The following MGAM2 variants were observed in gnomAD, a reference collection of about 807,000 sequenced individuals.
MGAM2 encodes maltase-glucoamylase 2 (putative).
In MGAM2, 98 loss-of-function variants were observed where a neutral mutation model predicts 96.1. The observed-to-expected ratio is 1.02, with a 90% CI of 0.87 to 1.21. MGAM2 has a LOEUF of 1.21. MGAM2 is among the 50% of genes most tolerant of loss of function. The pLI is 0.00. For synonymous variants in MGAM2, 749 were observed against 414.8 expected (o/e 1.81, Z -9.79); for missense variants, 2,055 against 1,182.4 (o/e 1.74, Z -10.82).
intron 32 of MGAM2, among the ~76,000 whole-genome samples, chr7:142,178,356 A>G (rs1281521740): frequency 1.3e-5 from 2 of 152,086 alleles, no homozygotes; most frequent in Non-Finnish European, 2.9e-5. Context: ...GAAGCTGTTT[A>G]TTTTAATTGG....
intron 23 of MGAM2, among the ~76,000 whole-genome samples, chr7:142,162,284 CT>C (rs1457556724): frequency 6.6e-6 from 1 of 151,890 alleles, no homozygotes; most frequent in Non-Finnish European, 1.5e-5. Flanking sequence ...CAAGATGTGC[CT>C]TTTTTGAGGT....
At position 142,221,612 on chromosome 7, in the gene MGAM2, C is replaced by T. The variant is rs542130354; in HGVS notation, c.7101C>T (p.Thr2367=). The T allele has an allele frequency of 4.1e-6, 2 of 489,610 alleles. No individual in the cohort carries two copies. The highest frequency in any genetic ancestry group is 3.0e-5 in the East Asian group (1 of 33,048). The allele number at this position is 489,610 out of a possible 1,614,324, so 30.3% of individuals were successfully genotyped here. The part of the protein sequence containing the change: ...TVTTTSTKDN[T]MSPDTTVTSI... ...CTACTACCAGCACCAAAGATAATAC[C>T]ATGAGTCCAGATACAACAGTTACTT... Residue 2367 remains threonine (T), a synonymous_variant, in exon 48 of 48, where the codon ACC becomes ACT. Transcript: ENST00000477922.
chr7:142,141,061 A>G lies in MGAM2; in HGVS notation c.1259A>G (p.Asn420Ser), dbSNP rs1041257430. 1.4e-6 allele frequency: 1 copy of G among 701,964 alleles called. No homozygotes were observed. Among genetic ancestry groups the G allele is most frequent in the East Asian group, 2.7e-5 (1 of 37,242 alleles). 43.5% of individuals were successfully genotyped at this position (701,964 alleles called of 1,614,324 possible). A position where few individuals can be genotyped will look rare whatever the true frequency, so the allele number is the denominator to read the frequency against. Residue 420 changes from asparagine to serine, a missense_variant, in exon 12 of 48, where the codon AAT becomes AGT. Asn to Ser is a conservative substitution (Grantham distance 46). Transcript: ENST00000477922. ...ISKNSNYEPYNNGSLKRVWIL... is the reference protein window; with the variant it reads ...ISKNSNYEPYSNGSLKRVWIL... ...AAAAACTCTAACTACGAGCCCTATAATAATGGAAGCCTAAAGAGAGTGTGG... is the reference window on the plus strand; with the variant it reads ...AAAAACTCTAACTACGAGCCCTATAGTAATGGAAGCCTAAAGAGAGTGTGG...
chr7:142,171,356 C>T lies in MGAM2; in HGVS notation c.3267C>T (p.Gly1089=), dbSNP rs914841172. ...GTCTGCCGTCCCAGTACATCTATGG[C>T]TTTGGGGAAACTGAGCACACGACTT... ...STRLPSQYIY[G]FGETEHTTFR... Residue 1089 remains glycine, a synonymous_variant, in exon 28 of 48, where the codon GGC becomes GGT. Coordinates refer to ENST00000477922, the MANE Select transcript of MGAM2 (RefSeq NM_001293626.2). The T allele has an allele frequency of 1.3e-5, 9 of 703,042 alleles. No homozygotes were observed. In the African/African-American group the frequency reaches 1.6e-4, roughly 12 times the overall value. 43.6% of individuals were successfully genotyped at this position (703,042 alleles called of 1,614,324 possible).
At chr7:142,205,115 C>T (rs1397126470) in intron 45 of MGAM2, among the ~76,000 whole-genome samples, 1 of 152,124 alleles carries the variant, frequency 6.6e-6, no homozygotes, top group African/African-American at 2.4e-5. Context: ...ACAGTCAACA[C>T]TTTGGTACCT....
intron 7 of MGAM2, among the ~76,000 whole-genome samples, chr7:142,136,118 G>T (rs777112945): frequency 6.6e-6 from 1 of 152,050 alleles, no homozygotes; most frequent in Non-Finnish European, 1.5e-5. Context: ...ACCGCAATAG[G>T]ATCCCTTCTG....
chr7:142,197,452 TC>T lies in MGAM2; in HGVS notation c.4687del (p.Leu1563Ter). 1 of 702,998 alleles carries T rather than the reference TC, an allele frequency of 1.4e-6. No homozygotes were observed. Among genetic ancestry groups the T allele is most frequent in the Non-Finnish European group, 2.6e-6 (1 of 385,008 alleles). The allele number at this position is 702,998 out of a possible 1,614,324, so 43.5% of individuals were successfully genotyped here. A position where few individuals can be genotyped will look rare whatever the true frequency, so the allele number is the denominator to read the frequency against. On this transcript the variant is annotated frameshift_variant, in exon 41 of 48. Transcript: ENST00000477922. LOFTEE classifies it high-confidence loss of function. ...ACCTTTGAGATGTTGTCCAGAAAAG[TC>T]CTAGAGACCAGATATACCCTGCTTC... is the stretch of plus-strand genomic sequence containing the variant. ...NSTFEMLSRK[V>X]LETRYTLLPY... is the part of the protein sequence containing the mutation.
intron 16 of MGAM2, 61 bp downstream of exon 16, chr7:142,154,250 G>A (rs552610294): frequency 3.8e-4 from 200 of 530,408 alleles, no homozygotes; most frequent in African/African-American, 3.5e-3. Flanking sequence ...CTTTTAATTA[G>A]CAGTCTTAGA....
rs192978263 is a variant in MGAM2, at chr7:142,208,874, T to C, written c.5187+252T>C. 2.9e-3 allele frequency among the ~76,000 whole-genome samples: 438 copies of C among 152,308 alleles called. 4 individuals carry two copies. The highest frequency in any genetic ancestry group is 1.0e-2 in the African/African-American group (415 of 41,556). Reference sequence around the variant, plus strand: ...GCTGGGGAAAAAATGGGGCCTTAAATGTGTAACATGTTTTCCAAAGATGAG... The same window carrying C: ...GCTGGGGAAAAAATGGGGCCTTAAACGTGTAACATGTTTTCCAAAGATGAG... On this transcript the variant is annotated intron_variant, in intron 46 of 47. Transcript: ENST00000477922.
intron 21 of MGAM2, among the ~76,000 whole-genome samples, chr7:142,160,693 G>A (rs550969053): frequency 6.6e-6 from 1 of 151,342 alleles, no homozygotes; most frequent in Admixed American, 6.6e-5. Flanking sequence ...CATACTAGAT[G>A]TGTTTACCTT....
At chr7:142,218,196 C>T (rs1309437379) in intron 46 of MGAM2, among the ~76,000 whole-genome samples, 165 bp from the exon 47 acceptor site, 1 of 151,982 alleles carries the variant, frequency 6.6e-6, no homozygotes, top group East Asian at 1.9e-4. Context: ...ACATGTTCTC[C>T]ATAAATATGT....
At chr7:142,211,749 C>G (rs921026671) in intron 46 of MGAM2, among the ~76,000 whole-genome samples, 2 of 152,144 alleles carry the variant, frequency 1.3e-5, no homozygotes, top group Non-Finnish European at 2.9e-5. Flanking sequence ...GAGAATGGAA[C>G]CAAGTTGTAA....
chr7:142,214,288 G>A lies in MGAM2; in HGVS notation c.5188-4073G>A, dbSNP rs181277111. ...TCTCTCACCACTCCTATTCAGCATAGTATTGGAAGTTCTGGCCAGGGCAAT... is the reference window on the plus strand; with the variant it reads ...TCTCTCACCACTCCTATTCAGCATAATATTGGAAGTTCTGGCCAGGGCAAT... On this transcript the variant is annotated intron_variant, in intron 46 of 47. Transcript: ENST00000477922. 9.2e-5 allele frequency among the ~76,000 whole-genome samples: 14 copies of A among 152,284 alleles called. No individual in the cohort carries two copies. The East Asian group carries it at 2.5e-3, about 27-fold the overall frequency.
chr7:142,146,208 A>AT (rs66534945), intron 14 of MGAM2, among the ~76,000 whole-genome samples: 14 of 133,808 alleles, frequency 1.0e-4, no homozygotes, highest in African/African-American at 3.7e-4. Context: ...TTTGTTTTTG[A>AT]TTTTTTTTTT....
chr7:142,206,472 G>A (rs1197353783), intron 45 of MGAM2, among the ~76,000 whole-genome samples: 1 of 152,082 alleles, frequency 6.6e-6, no homozygotes, highest in Non-Finnish European at 1.5e-5. Flanking sequence ...GCTGGTTGAG[G>A]ATCAATGTTT....
chr7:142,166,678 C>A (rs1360043367), intron 25 of MGAM2, among the ~76,000 whole-genome samples: 1 of 152,118 alleles, frequency 6.6e-6, no homozygotes, highest in Non-Finnish European at 1.5e-5. Flanking sequence ...GGAGTAGAAC[C>A]CTGCCTGGAG....
intron 15 of MGAM2, among the ~76,000 whole-genome samples, chr7:142,149,701 C>T (rs952252935): frequency 1.7e-4 from 26 of 151,914 alleles, no homozygotes; most frequent in African/African-American, 5.3e-4. Context: ...CCACCACGCC[C>T]GGCTAATTGT....
intron 35 of MGAM2, among the ~76,000 whole-genome samples, chr7:142,186,342 G>C (rs1178471735): frequency 6.6e-6 from 1 of 152,134 alleles, no homozygotes; most frequent in Non-Finnish European, 1.5e-5. Context: ...GCCCACAGAG[G>C]AGACTGCTAC....
At chr7:142,138,931 G>A (rs1795136518) in intron 10 of MGAM2, among the ~76,000 whole-genome samples, 1 of 152,120 alleles carries the variant, frequency 6.6e-6, no homozygotes, top group African/African-American at 2.4e-5. Flanking sequence ...ACATCTCTGA[G>A]CCTTAGTTTC....
Sources: gnomAD v4.1 joint callset for allele counts (sites outside exome capture counted in the v4.1 genomes callset) on GRCh38, gnomAD v4.1.1 for gene constraint, MANE v1.5 for transcripts, NCBI Gene and HGNC (gene_info 2026-07-23, HGNC 2026-07-21) for gene names.